The following MAPK9 variants were observed in gnomAD, a reference collection of about 807,000 sequenced individuals.
The protein encoded by MAPK9 is Jun kinase.
Under a neutral mutation model 57.1 loss-of-function variants are expected in MAPK9, and 30 were observed. The ratio of observed to expected loss-of-function variants is 0.53; its 90% CI spans 0.39 to 0.71. The LOEUF (loss-of-function observed/expected upper bound fraction) is 0.71, where lower values mean the gene tolerates loss of function less well. Among genes scored for constraint, MAPK9 ranks in the 30% least tolerant of loss-of-function variants. The probability of loss-of-function intolerance (pLI) is 0.00; values close to 1 mark genes in which losing one functional copy is unlikely to be tolerated. For missense variants in MAPK9, 362 were observed against 521.0 expected (o/e 0.69, Z 2.97); for synonymous variants, 155 against 177.0 (o/e 0.88, Z 0.99).
chr5:180,287,155 A>G (rs6879043), intron 1 of MAPK9: 71,126 of 152,080 alleles, frequency 0.47, 17,423 homozygotes, highest in African/African-American at 0.62. Context: ...CTGTGGCTGT[A>G]AGGGGGTGGG....
Position 180,248,041 on chromosome 5 carries a change from C to T in MAPK9, c.617-531G>A, listed in dbSNP as rs867295785. 30 of 884,866 alleles carry T rather than the reference C, an allele frequency of 3.4e-5. 1 individual carries two copies. In the Middle Eastern group the frequency reaches 2.3e-3, roughly 69 times the overall value. The allele number at this position is 884,866 out of a possible 1,614,324, so 54.8% of individuals were successfully genotyped here. ...TAGCTTGCCGGCGGGAGCCTCTGTG[C>T]GTTGTTGATACCACACCTCCTGAGC... On this transcript the variant is annotated intron_variant, in intron 6 of 11. Coordinates refer to ENST00000452135, the MANE Select transcript of MAPK9 (RefSeq NM_002752.5).
chr5:180,239,928 C>G lies in MAPK9; in HGVS notation c.1056G>C (p.Trp352Cys). The G allele has an allele frequency of 6.2e-7, 1 of 1,613,306 alleles. No homozygotes were observed. Among genetic ancestry groups the G allele is most frequent in the Non-Finnish European group, 8.5e-7 (1 of 1,179,442 alleles). ...CAAAATAAGCTCCATCTTTACCTTT[C>G]CATTCTTCAATTGCATGTTCTCTTT... ...LEEREHAIEE[W>C]KELIYKEVMD... Residue 352 changes from tryptophan to cysteine, a missense_variant, in exon 10 of 12, where the codon TGG becomes TGC. Transcript: ENST00000452135.
At chr5:180,273,987 GTTTT>G (rs1040259191) in intron 2 of MAPK9, among the ~76,000 whole-genome samples, 3 of 150,876 alleles carry the variant, frequency 2.0e-5, no homozygotes, top group Admixed American at 6.6e-5. Flanking sequence ...TCATTTCTTT[GTTTT>G]TTAAGACGAC....
intron 7 of MAPK9, among the ~76,000 whole-genome samples, chr5:180,244,208 C>A (rs1380858823): frequency 2.0e-5 from 3 of 152,078 alleles, no homozygotes; most frequent in Admixed American, 6.5e-5. Flanking sequence ...CCAGGATGCA[C>A]CCACCCAGCA....
At chr5:180,242,484 A>T (rs1757749328) in intron 8 of MAPK9, 89 bp downstream of exon 8, 1 of 1,294,448 alleles carries the variant, frequency 7.7e-7, no homozygotes, top group Non-Finnish European at 1.1e-6. Flanking sequence ...TTCTCTCCCA[A>T]AACACAGGTT....
At chr5:180,238,854 C>T (rs746041877) in intron 10 of MAPK9, among the ~76,000 whole-genome samples, 2 of 152,106 alleles carry the variant, frequency 1.3e-5, no homozygotes, top group South Asian at 2.1e-4. Context: ...AGCCATCTGC[C>T]CCACTTGGCC....
At chr5:180,262,611 T>C (rs1202598783) in intron 4 of MAPK9, among the ~76,000 whole-genome samples, 3 of 151,450 alleles carry the variant, frequency 2.0e-5, no homozygotes, top group Admixed American at 6.6e-5. Context: ...AGTTTTTGTA[T>C]TTTTAGTAGA....
chr5:180,263,733 T>G (rs1760230623), intron 4 of MAPK9, among the ~76,000 whole-genome samples: 1 of 130,022 alleles, frequency 7.7e-6, no homozygotes, highest in African/African-American at 3.0e-5. Context: ...TGAGACAGAG[T>G]CTTGCTCTGT....
intron 4 of MAPK9, among the ~76,000 whole-genome samples, chr5:180,264,295 AT>A (rs1191741326): frequency 1.3e-5 from 2 of 152,176 alleles, no homozygotes; most frequent in African/African-American, 4.8e-5. Context: ...ATATTTGTTA[AT>A]GACTGAACAC....
intron 8 of MAPK9, 55 bp downstream of exon 8, chr5:180,242,518 T>C (rs1481469934): frequency 4.7e-6 from 7 of 1,490,880 alleles, no homozygotes; most frequent in Non-Finnish European, 4.6e-6. Context: ...CATGAAAGAG[T>C]GAAAGCACCA....
rs1757354061 is a variant in MAPK9, at chr5:180,238,350, C to A, written c.1114G>T (p.Val372Leu). Residue 372 changes from valine to leucine, a missense_variant, in exon 11 of 12, where the codon GTA (valine) becomes TTA (leucine). Val to Leu is a conservative substitution (Grantham distance 32). Around this residue, in one of 3 missense-constraint regions of MAPK9, gnomAD observed 199 missense variants for 251.3 expected, o/e 0.79. Coordinates refer to ENST00000452135, the MANE Select transcript of MAPK9 (RefSeq NM_002752.5). ...CACTAACCTGAAGGCTGATCTTTTA[C>A]AACACCATTCTTGCTTCTTTCTTCC... ...DWEERSKNGV[V>L]KDQPSDAAVS... 6.2e-7 allele frequency: 1 copy of A among 1,612,322 alleles called. No homozygotes were observed. Among genetic ancestry groups the A allele is most frequent in the African/African-American group, 1.3e-5 (1 of 74,992 alleles).
At chr5:180,291,020 G>A (rs1763180288) in intron 1 of MAPK9, among the ~76,000 whole-genome samples, 1 of 152,222 alleles carries the variant, frequency 6.6e-6, no homozygotes, top group South Asian at 2.1e-4. Context: ...GAAAGAGGGT[G>A]GTCGAGGAGG....
intron 5 of MAPK9, among the ~76,000 whole-genome samples, chr5:180,254,176 A>G (rs988540505): frequency 6.6e-6 from 1 of 152,168 alleles, no homozygotes; most frequent in Non-Finnish European, 1.5e-5. Flanking sequence ...CATGTTGACC[A>G]GGCTGGTGTC....
At chr5:180,268,332 T>G (rs112397360) in intron 3 of MAPK9, among the ~76,000 whole-genome samples, 1 of 152,242 alleles carries the variant, frequency 6.6e-6, no homozygotes, top group African/African-American at 2.4e-5. Context: ...GAAACTGGTG[T>G]GTCATATACA....
chr5:180,255,599 G>T (rs569518527), intron 5 of MAPK9, among the ~76,000 whole-genome samples: 119 of 152,102 alleles, frequency 7.8e-4, no homozygotes, highest in Non-Finnish European at 1.5e-3. Flanking sequence ...GAGTATAAGT[G>T]TTTGTTAACT....
intron 1 of MAPK9, among the ~76,000 whole-genome samples, chr5:180,291,538 G>A (rs1394619452): frequency 6.6e-6 from 1 of 152,130 alleles, no homozygotes; most frequent in Non-Finnish European, 1.5e-5. Context: ...ACGCGACCCC[G>A]GGCCCCTGGG....
Position 180,236,542 on chromosome 5 carries a change from C to A in MAPK9, c.1133-16G>T, listed in dbSNP as rs1757188355. 3 of 1,607,106 alleles carry A rather than the reference C, an allele frequency of 1.9e-6. No homozygotes were observed. The highest frequency in any genetic ancestry group is 3.3e-5 in the Admixed American group (2 of 59,734). The stretch of plus-strand genomic sequence containing the variant: ...ACTGCTGCATCTGTGCTAAGAAAAC[C>A]AAATATAATAAAATCTGAGGCACGA... On this transcript the variant is annotated splice_polypyrimidine_tract_variant and intron_variant, in intron 11 of 11. Transcript: ENST00000452135.
At chr5:180,261,008 G>A (rs1759893434) in intron 5 of MAPK9, among the ~76,000 whole-genome samples, 2 of 151,912 alleles carry the variant, frequency 1.3e-5, no homozygotes, top group African/African-American at 2.4e-5. Flanking sequence ...ACAAAAAATT[G>A]TAAAATCAGC....
intron 2 of MAPK9, among the ~76,000 whole-genome samples, chr5:180,271,768 G>A (rs1761345112): frequency 6.6e-6 from 1 of 152,106 alleles, no homozygotes; most frequent in South Asian, 2.1e-4. Flanking sequence ...ACTCATAAGA[G>A]GGTGAGACTA....
Sources: allele counts gnomAD v4.1 joint callset (sites outside exome capture counted in the v4.1 genomes callset), GRCh38; gene constraint gnomAD v4.1.1; regional missense constraint gnomAD v4.1.1; transcripts MANE v1.5; gene names NCBI Gene and HGNC (gene_info 2026-07-23, HGNC 2026-07-21).